Variants in RNF17 observed in about 807,000 individuals in gnomAD.
The protein encoded by RNF17 is ring finger protein 17.
RNF17 carries 31 observed loss-of-function variants against 200.5 expected under a neutral mutation model. The ratio of observed to expected loss-of-function variants is 0.15; its 90% CI spans 0.12 to 0.21. The LOEUF (loss-of-function observed/expected upper bound fraction) is 0.21, where lower values mean the gene tolerates loss of function less well. RNF17 is among the 10% of genes least tolerant of loss of function. The probability of loss-of-function intolerance (pLI) is 1.00; values close to 1 mark genes in which losing one functional copy is unlikely to be tolerated. For missense variants in RNF17, 1,628 were observed against 1,905.1 expected (o/e 0.85, Z 2.71); for synonymous variants, 606 against 637.8 (o/e 0.95, Z 0.75).
At chr13:24,765,368 C>A (rs1879518757) in intron 1 of RNF17, among the ~76,000 whole-genome samples, 1 of 152,200 alleles carries the variant, frequency 6.6e-6, no homozygotes. Flanking sequence ...CTTAATACAG[C>A]TGAGTTGTTG....
upstream of RNF17, among the ~76,000 whole-genome samples, chr13:24,759,836 T>C (rs926125123): frequency 1.3e-5 from 2 of 152,172 alleles, no homozygotes; most frequent in Non-Finnish European, 2.9e-5. Context: ...AAGATTGGTT[T>C]CTATAAGAAT....
At chr13:24,763,204 C>CTTTT (rs11329776), upstream of RNF17, among the ~76,000 whole-genome samples, 1 of 129,168 alleles carries the variant, frequency 7.7e-6, no homozygotes, top group Non-Finnish European at 1.7e-5. Flanking sequence ...TGCTTCAACT[C>CTTTT]TTTTTTTTTT....
Position 24,866,105 on chromosome 13 carries a change from T to C in RNF17, c.4102-39T>C, listed in dbSNP as rs374876839. The C allele has an allele frequency of 6.2e-5, 69 of 1,109,092 alleles. No homozygotes were observed. The African/African-American group carries it at 1.0e-3, about 16-fold the overall frequency. 68.7% of individuals were successfully genotyped at this position (1,109,092 alleles called of 1,614,324 possible). ...ATATGGAAAGTACCTTAAAACAATA[T>C]AGCTAAAGGTGATTTTACTCAATAC... On this transcript the variant is annotated intron_variant, in intron 29 of 35. Coordinates refer to ENST00000255324, the MANE Select transcript of RNF17 (RefSeq NM_031277.3).
At chr13:24,798,757 CT>C (rs34073328) in intron 11 of RNF17, among the ~76,000 whole-genome samples, 65,346 of 151,148 alleles carry the variant, frequency 0.43, 14,173 homozygotes, top group East Asian at 0.47. Context: ...ACCTGTGGGC[CT>C]TTTTTTTTGT....
chr13:24,885,855 C>A, the RNF17 span: 1 of 591,364 alleles, frequency 1.7e-6, no homozygotes, highest in Non-Finnish European at 3.0e-6. Flanking sequence ...TCCTAGATGT[C>A]CAAGAAAGAC....
At chr13:24,872,431 A>G (rs573533112) in intron 32 of RNF17, among the ~76,000 whole-genome samples, 37 of 152,342 alleles carry the variant, frequency 2.4e-4, no homozygotes, top group Non-Finnish European at 4.1e-4. Context: ...AAGATGGGAA[A>G]CTGAGGCGCA....
At chr13:24,880,998 AT>A (rs1430008613), downstream of RNF17, among the ~76,000 whole-genome samples, 1 of 151,830 alleles carries the variant, frequency 6.6e-6, no homozygotes. Flanking sequence ...TAGTTTGTCC[AT>A]TTTTCTATTG....
rs779025138 is a variant in RNF17 at position 24,789,789 on chromosome 13, A to C, written c.935+17A>C. 1 of 1,342,166 alleles carries C rather than the reference A, an allele frequency of 7.5e-7. No individual in the cohort carries two copies. Among genetic ancestry groups the C allele is most frequent in the Non-Finnish European group, 1.1e-6 (1 of 933,536 alleles). 83.1% of individuals were successfully genotyped at this position (1,342,166 alleles called of 1,614,324 possible). On this transcript the variant is annotated intron_variant, in intron 9 of 35. Transcript: ENST00000255324. ...CTCAACAAAGTAAGTATTTATAAGCATGGTAACATGCCATTAGTGTCTGAC... is the reference window on the plus strand; with the variant it reads ...CTCAACAAAGTAAGTATTTATAAGCCTGGTAACATGCCATTAGTGTCTGAC...
At chr13:24,770,786 GAA>G (rs973333239) in intron 2 of RNF17, among the ~76,000 whole-genome samples, 2 of 152,126 alleles carry the variant, frequency 1.3e-5, no homozygotes, top group Admixed American at 6.6e-5. Context: ...CTATTCTCAT[GAA>G]AATAAGCACT....
chr13:24,794,009 T>C, intron 10 of RNF17: 1 of 325,834 alleles, frequency 3.1e-6, no homozygotes, highest in South Asian at 2.4e-5. Flanking sequence ...CTCAATTACT[T>C]AAGATACCTG....
intron 18 of RNF17, 88 bp from the exon 19 acceptor site, chr13:24,841,953 G>A (rs1890684442): frequency 1.8e-6 from 2 of 1,132,422 alleles, no homozygotes; most frequent in Non-Finnish European, 2.5e-6. Context: ...GCGACAGAGT[G>A]AGACTCTGTC....
At chr13:24,784,911 G>C (rs1423773377) in intron 6 of RNF17, among the ~76,000 whole-genome samples, 1 of 152,034 alleles carries the variant, frequency 6.6e-6, no homozygotes, top group Non-Finnish European at 1.5e-5. Flanking sequence ...GTTTCACTGT[G>C]TTAGCCAGGA....
intron 18 of RNF17, among the ~76,000 whole-genome samples, chr13:24,841,671 C>T (rs944439963): frequency 2.0e-5 from 3 of 152,194 alleles, no homozygotes; most frequent in Non-Finnish European, 1.5e-5. Context: ...AAAATTGCCT[C>T]ATTTAGGCTG....
chr13:24,800,347 T>C lies in RNF17; in HGVS notation c.1590-19T>C. ...TTTGAAGCATTATTTTCAATAAATATTACTTGAATTTCTCCTAGAGTTGTT... is the reference window on the plus strand; with the variant it reads ...TTTGAAGCATTATTTTCAATAAATACTACTTGAATTTCTCCTAGAGTTGTT... On this transcript the variant is annotated intron_variant, in intron 12 of 35. Transcript: ENST00000255324. 6.7e-7 allele frequency: 1 copy of C among 1,499,968 alleles called. No individual in the cohort carries two copies. Among genetic ancestry groups the C allele is most frequent in the South Asian group, 1.3e-5 (1 of 76,392 alleles). The allele number at this position is 1,499,968 out of a possible 1,614,324, so 92.9% of individuals were successfully genotyped here.
chr13:24,883,045 A>G, downstream of RNF17: 1 of 783,468 alleles, frequency 1.3e-6, no homozygotes, highest in Admixed American at 2.1e-5. Context: ...AAGATGCCAC[A>G]GGGTAAACTT....
the RNF17 span, among the ~76,000 whole-genome samples, chr13:24,756,060 G>T: frequency 2.6e-5 from 4 of 152,034 alleles, no homozygotes; most frequent in Admixed American, 2.6e-4. Flanking sequence ...TCTGTATATT[G>T]AATTAATTAC....
Position 24,779,063 on chromosome 13 carries a change from C to T in RNF17, c.430-604C>T, listed in dbSNP as rs144802984. On this transcript the variant is annotated intron_variant, in intron 4 of 35. Transcript: ENST00000255324. ...AATTAGCTGGGTGTGGTGCTGTGGT[C>T]GTGCACACCTGTAATTCCAGTTACT... is the stretch of plus-strand genomic sequence containing the variant. 9.9e-5 allele frequency among the ~76,000 whole-genome samples: 15 copies of T among 152,108 alleles called. No homozygotes were observed. The East Asian group carries it at 1.7e-3, about 18-fold the overall frequency.
At chr13:24,759,290 A>C (rs775558775), upstream of RNF17, among the ~76,000 whole-genome samples, 7 of 152,126 alleles carry the variant, frequency 4.6e-5, no homozygotes, top group Non-Finnish European at 8.8e-5. Context: ...AAAAGCTAAT[A>C]TTACATTGTT....
intron 15 of RNF17, among the ~76,000 whole-genome samples, chr13:24,817,556 T>TA (rs1887549519): frequency 6.6e-6 from 1 of 152,006 alleles, no homozygotes; most frequent in South Asian, 2.1e-4. Flanking sequence ...CCATCTGTAC[T>TA]AAAAATACAA....
Sources: allele counts gnomAD v4.1 joint callset (sites outside exome capture counted in the v4.1 genomes callset), GRCh38; gene constraint gnomAD v4.1.1; transcripts MANE v1.5; gene names NCBI Gene and HGNC (gene_info 2026-07-23, HGNC 2026-07-21).